The following PAAF1 variants were observed in gnomAD, a reference collection of about 807,000 sequenced individuals.
The protein encoded by PAAF1 is proteasomal ATPase associated factor 1, also known as proteasomal ATPase-associated factor 1.
PAAF1 carries 46 observed loss-of-function variants against 52.8 expected under a neutral mutation model. The observed-to-expected ratio is 0.87, with a 90% CI of 0.69 to 1.11. PAAF1 has a LOEUF of 1.11. Among genes scored for constraint, PAAF1 ranks in the 50% most tolerant of loss-of-function variants. The probability of loss-of-function intolerance (pLI) is 0.00; values close to 1 mark genes in which losing one functional copy is unlikely to be tolerated. For missense variants in PAAF1, 424 were observed against 477.4 expected, an observed-to-expected ratio of 0.89 and a Z score of 1.04; for synonymous variants, 178 against 172.8, an observed-to-expected ratio of 1.03 and a Z score of -0.24.
In PAAF1 at chr11:73,924,600, C is replaced by T. The variant is rs749307642; in HGVS notation, c.1019-15C>T. The stretch of plus-strand genomic sequence containing the variant: ...GTTTTCTCTTAGTTATATGAATTTT[C>T]TTTCTGCCTTTCAGGTGATGGAAGC... On this transcript the variant is annotated splice_polypyrimidine_tract_variant and intron_variant, in intron 10 of 11. Coordinates refer to ENST00000310571, the MANE Select transcript of PAAF1 (RefSeq NM_025155.3). 5.0e-6 allele frequency: 8 copies of T among 1,609,378 alleles called. No individual in the cohort carries two copies. In the South Asian group the frequency reaches 8.8e-5, roughly 18 times the overall value.
At chr11:73,907,174 C>T (rs1251714262) in intron 6 of PAAF1, among the ~76,000 whole-genome samples, 3 of 151,416 alleles carry the variant, frequency 2.0e-5, no homozygotes, top group African/African-American at 7.3e-5. Flanking sequence ...AGCAAATATT[C>T]AGATTATAGA....
At chr11:73,905,503 T>G (rs1444771826) in intron 6 of PAAF1, among the ~76,000 whole-genome samples, 1 of 152,206 alleles carries the variant, frequency 6.6e-6, no homozygotes, top group African/African-American at 2.4e-5. Context: ...ATTACAGGCA[T>G]GAGCTACCAT....
In PAAF1 at chr11:73,930,058, A is replaced by G. The variant is rs1950434550; in HGVS notation, c.*2696A>G. On this transcript the variant is annotated 3_prime_UTR_variant, in exon 12 of 12. Coordinates refer to ENST00000310571, the MANE Select transcript of PAAF1 (RefSeq NM_025155.3). ...GCAACAAGAGTGAAACTCCGTCTCA[A>G]AAAAAAAAAAAAAGAAAACAGGATG... 1 of 144,472 alleles carries G rather than the reference A, an allele frequency of 6.9e-6. No homozygotes were observed. 8.9% of individuals were successfully genotyped at this position (144,472 alleles called of 1,614,324 possible). A position where few individuals can be genotyped will look rare whatever the true frequency, so the allele number is the denominator to read the frequency against.
chr11:73,898,586 A>G (rs1405715953), intron 4 of PAAF1, among the ~76,000 whole-genome samples: 1 of 151,978 alleles, frequency 6.6e-6, no homozygotes, highest in African/African-American at 2.4e-5. Flanking sequence ...GGAGGCTGAG[A>G]TGGGAGAATC....
At chr11:73,913,321 G>A (rs1327903386) in intron 7 of PAAF1, among the ~76,000 whole-genome samples, 2 of 152,304 alleles carry the variant, frequency 1.3e-5, no homozygotes, top group East Asian at 1.9e-4. Flanking sequence ...TAGGCTGGAC[G>A]TGGTAGCTCA....
intron 6 of PAAF1, among the ~76,000 whole-genome samples, chr11:73,900,874 TG>T (rs1949587059): frequency 6.7e-6 from 1 of 148,778 alleles, no homozygotes; most frequent in African/African-American, 2.5e-5. Context: ...CCCAGCTACT[TG>T]GGAGGCTGAG....
Position 73,924,670 on chromosome 11 carries a change from T to A in PAAF1, c.1074T>A (p.Thr358=). ...ACTTAGACTATGTCACTGAGCTCAC[T>A]GGGGCTGACTGTGACCCTGTGTACA... ...QQDLDYVTEL[T]GADCDPVYKV... Residue 358 remains threonine, a synonymous_variant, in exon 11 of 12, where the codon ACT becomes ACA. Transcript: ENST00000310571. 2 of 1,613,998 alleles carry A rather than the reference T, an allele frequency of 1.2e-6. No individual in the cohort carries two copies.
chr11:73,911,079 C>G (rs1461497305), intron 7 of PAAF1, among the ~76,000 whole-genome samples: 2 of 151,938 alleles, frequency 1.3e-5, no homozygotes, highest in Non-Finnish European at 2.9e-5. Context: ...TATCAATATC[C>G]CCCACCAGAG....
In PAAF1 at chr11:73,919,010, A is replaced by G. The variant is rs1950142875; in HGVS notation, c.996A>G (p.Arg332=). Residue 332 remains arginine (R), a synonymous_variant, in exon 10 of 12, where the codon AGA becomes AGG. Transcript: ENST00000310571. ...CAGTTCTATCCCTGCTAAGTGTCAG[A>G]GATGGATTCATTGCTAGCCAAGGTG... ...GAPVLSLLSV[R]DGFIASQGDG... is the part of the protein sequence containing the mutation. 2 of 1,614,026 alleles carry G rather than the reference A, an allele frequency of 1.2e-6. No individual in the cohort carries two copies. The highest frequency in any genetic ancestry group is 1.7e-6 in the Non-Finnish European group (2 of 1,179,976).
At chr11:73,914,392 C>A in intron 7 of PAAF1, 21 bp from the exon 8 acceptor site, 7 of 1,609,824 alleles carry the variant, frequency 4.3e-6, no homozygotes, top group Non-Finnish European at 5.1e-6. Flanking sequence ...CTGTTATTAA[C>A]ATAGTTTATT....
At chr11:73,901,402 A>T (rs1949608910) in intron 6 of PAAF1, among the ~76,000 whole-genome samples, 1 of 152,152 alleles carries the variant, frequency 6.6e-6, no homozygotes, top group Admixed American at 6.5e-5. Context: ...TGCTATTCCT[A>T]TTTTACAAGT....
chr11:73,929,610 A>C lies in PAAF1; in HGVS notation c.*2248A>C, dbSNP rs920351784. The C allele has an allele frequency of 6.6e-6, 1 of 152,280 alleles. No homozygotes were observed. Among genetic ancestry groups the C allele is most frequent in the African/African-American group, 2.4e-5 (1 of 41,470 alleles). The allele number at this position is 152,280 out of a possible 1,614,324, so 9.4% of individuals were successfully genotyped here. A position where few individuals can be genotyped will look rare whatever the true frequency, so the allele number is the denominator to read the frequency against. On this transcript the variant is annotated 3_prime_UTR_variant, in exon 12 of 12. Transcript: ENST00000310571. Reference sequence around the variant, plus strand: ...ACCTTCTGCTGCACTGTGTAATCACAGGCAGGTAGCAAGAGACTTTTGTGA... The same window carrying C: ...ACCTTCTGCTGCACTGTGTAATCACCGGCAGGTAGCAAGAGACTTTTGTGA...
chr11:73,877,637 G>A (rs1948780024), intron 1 of PAAF1, among the ~76,000 whole-genome samples: 1 of 152,172 alleles, frequency 6.6e-6, no homozygotes, highest in East Asian at 1.9e-4. Context: ...TGTAATCCCA[G>A]CACTTTGGAA....
intron 2 of PAAF1, among the ~76,000 whole-genome samples, chr11:73,881,463 T>G (rs1307566341): frequency 1.3e-5 from 2 of 152,138 alleles, no homozygotes; most frequent in Non-Finnish European, 2.9e-5. Flanking sequence ...AATTTTTGTA[T>G]TTTTAGTAGA....
At chr11:73,904,065 C>T (rs1209636505) in intron 6 of PAAF1, among the ~76,000 whole-genome samples, 4 of 149,892 alleles carry the variant, frequency 2.7e-5, no homozygotes, top group Non-Finnish European at 5.9e-5. Flanking sequence ...GCCTGGGCAA[C>T]AGAGCGAGAC....
chr11:73,897,967 G>C (rs1015701209), intron 4 of PAAF1, among the ~76,000 whole-genome samples: 3 of 152,178 alleles, frequency 2.0e-5, no homozygotes, highest in Non-Finnish European at 2.9e-5. Flanking sequence ...GATCACTCAT[G>C]GTTAGGAGCT....
Position 73,916,578 on chromosome 11 carries a change from TGCTGTACTTTTCTCTCTG to T in PAAF1, c.857_874del (p.Cys286_Gly291del). ...CTTTATTGGCTCAGACGCTTTCAAC[TGCTGTACTTTTCTCTCTG>T]GCTTCTTGCTATTGGCTGGGACTCA... On this transcript the variant is annotated inframe_deletion, in exon 9 of 12. Coordinates refer to ENST00000310571, the MANE Select transcript of PAAF1 (RefSeq NM_025155.3). 1 of 1,614,018 alleles carries T rather than the reference TGCTGTACTTTTCTCTCTG, an allele frequency of 6.2e-7. No individual in the cohort carries two copies.
chr11:73,900,548 C>A, intron 6 of PAAF1, 128 bp downstream of exon 6: 1 of 1,061,136 alleles, frequency 9.4e-7, no homozygotes, highest in Non-Finnish European at 1.3e-6. Flanking sequence ...TTTAGATGAG[C>A]TGCCATTTCC....
Position 73,927,425 on chromosome 11 carries a change from A to C in PAAF1, c.*63A>C. 1 of 1,328,096 alleles carries C rather than the reference A, an allele frequency of 7.5e-7. No individual in the cohort carries two copies. The highest frequency in any genetic ancestry group is 1.1e-6 in the Non-Finnish European group (1 of 925,122). The allele number at this position is 1,328,096 out of a possible 1,614,324, so 82.3% of individuals were successfully genotyped here. On this transcript the variant is annotated 3_prime_UTR_variant, in exon 12 of 12. Transcript: ENST00000310571. ...TGACCCTGATCAACAATGAGCAGAAACATCATCAGTCCTTCCCAAGGACCA... is the reference window on the plus strand; with the variant it reads ...TGACCCTGATCAACAATGAGCAGAACCATCATCAGTCCTTCCCAAGGACCA...
Sources: allele counts gnomAD v4.1 joint callset (sites outside exome capture counted in the v4.1 genomes callset), GRCh38; gene constraint gnomAD v4.1.1; transcripts MANE v1.5; gene names NCBI Gene and HGNC (gene_info 2026-07-23, HGNC 2026-07-21).